Variants in CORO1A observed in about 807,000 individuals in gnomAD.
The protein encoded by CORO1A is coronin-1A.
Under a neutral mutation model 44.1 loss-of-function variants are expected in CORO1A, and 17 were observed. The observed-to-expected ratio is 0.39, with a 90% confidence interval of 0.26 to 0.58. The LOEUF (loss-of-function observed/expected upper bound fraction) is 0.58. CORO1A is among the 20% of genes least tolerant of loss of function. The probability of loss-of-function intolerance (pLI) is 0.62; values close to 1 mark genes in which losing one functional copy is unlikely to be tolerated. For synonymous variants in CORO1A, 271 were observed against 244.2 expected (o/e 1.11, Z -1.02); for missense variants, 415 against 606.5 (o/e 0.68, Z 3.32).
At position 30,184,818 on chromosome 16, in the gene CORO1A, AAG is replaced by A; in HGVS notation, c.-1-385_-1-384del. ...GAGGTGGGCTCTGGACACGGTAACT[AAG>A]AGAGAACCCACCCTCGGAGCCATCT... On this transcript the variant is annotated intron_variant, in intron 1 of 10. Transcript: ENST00000219150. This position sits in a 1 kb window ranked among gnomAD's most constrained non-coding sequence, Gnocchi z 4.3. 1 of 344,178 alleles carries A rather than the reference AAG, an allele frequency of 2.9e-6. No homozygotes were observed. The highest frequency in any genetic ancestry group is 2.1e-5 in the African/African-American group (1 of 47,024). 21.3% of individuals were successfully genotyped at this position (344,178 alleles called of 1,614,324 possible).
At position 30,183,852 on chromosome 16, in the gene CORO1A, G is replaced by A. The variant is rs1013793190; in HGVS notation, c.-2+127G>A. 1.2e-4 allele frequency: 18 copies of A among 151,784 alleles called. No homozygotes were observed. Among genetic ancestry groups the A allele is most frequent in the African/African-American group, 4.1e-4 (17 of 41,404 alleles). 9.4% of individuals were successfully genotyped at this position (151,784 alleles called of 1,614,324 possible). A position where few individuals can be genotyped will look rare whatever the true frequency, so the allele number is the denominator to read the frequency against. On this transcript the variant is annotated intron_variant, in intron 1 of 10. Coordinates refer to ENST00000219150, the MANE Select transcript of CORO1A (RefSeq NM_007074.4). This position sits in a 1 kb window ranked among gnomAD's most constrained non-coding sequence, Gnocchi z 5.0. ...CGCGACCCAGCCAGCGCCGGGGCCA[G>A]GTAGCGGGCGCAGCAGCCCGTGGGG...
intron 2 of CORO1A, 138 bp from the exon 3 acceptor site, chr16:30,186,460 C>G: frequency 1.9e-6 from 2 of 1,050,946 alleles, no homozygotes; most frequent in Non-Finnish European, 2.9e-6. Context: ...ACAACCCGCC[C>G]CCGTCCCCAC....
Position 30,184,860 on chromosome 16 carries a change from T to C in CORO1A, c.-1-349T>C. On this transcript the variant is annotated intron_variant, in intron 1 of 10. Coordinates refer to ENST00000219150, the MANE Select transcript of CORO1A (RefSeq NM_007074.4). The surrounding 1 kb of genome is among the most constrained non-coding windows in gnomAD (Gnocchi z 4.3). Reference sequence around the variant, plus strand: ...CGGAGCCATCTGGGCTGATGACGCCTGAGTCTGAACCATTAGGAAGGACGG... The same window carrying C: ...CGGAGCCATCTGGGCTGATGACGCCCGAGTCTGAACCATTAGGAAGGACGG... The C allele has an allele frequency of 2.5e-6, 1 of 404,970 alleles. No homozygotes were observed. The highest frequency in any genetic ancestry group is 2.2e-5 in the South Asian group (1 of 45,832). 25.1% of individuals were successfully genotyped at this position (404,970 alleles called of 1,614,324 possible).
rs752449610 is a variant in CORO1A at position 30,188,363 on chromosome 16, G to A, written c.1068G>A (p.Ser356=). 3.3e-5 allele frequency: 54 copies of A among 1,613,748 alleles called. No homozygotes were observed. Among genetic ancestry groups the A allele is most frequent in the Non-Finnish European group, 4.2e-5 (49 of 1,180,002 alleles). The change falls in exon 10 of 11, where the codon TCG becomes TCA. Residue 356 remains serine (S), a splice_region_variant and synonymous_variant. Coordinates refer to ENST00000219150, the MANE Select transcript of CORO1A (RefSeq NM_007074.4). ...EPIAMTVPRK[S]DLFQEDLYPP... is the part of the protein sequence containing the mutation. ...ACTATCCCTGGCCTTGCCCACAGTC[G>A]GACCTGTTCCAGGAGGACCTGTACC...
At chr16:30,187,528 GC>G in intron 6 of CORO1A, 27 bp downstream of exon 6, 1 of 1,593,738 alleles carries the variant, frequency 6.3e-7, no homozygotes, top group Admixed American at 1.7e-5. Context: ...GAAGCCGAGG[GC>G]CCCCAGGCTG....
rs1387218213 is a variant in CORO1A at position 30,188,583 on chromosome 16, G to C, written c.1281+7G>C. The stretch of plus-strand genomic sequence containing the variant: ...CAGTGGCACTCCCAGCTCGGTGAGA[G>C]GGCTGGGAAGCCAGGGAATAAAACT... On this transcript the variant is annotated splice_region_variant and intron_variant, in intron 10 of 10. Coordinates refer to ENST00000219150, the MANE Select transcript of CORO1A (RefSeq NM_007074.4). 2 of 1,575,518 alleles carry C rather than the reference G, an allele frequency of 1.3e-6. No individual in the cohort carries two copies. Among genetic ancestry groups the C allele is most frequent in the Non-Finnish European group, 8.6e-7 (1 of 1,158,140 alleles).
At chr16:30,185,758 TGGGA>T (rs2073326330) in intron 2 of CORO1A, 1 of 349,264 alleles carries the variant, frequency 2.9e-6, no homozygotes, top group Admixed American at 4.3e-5. Flanking sequence ...TTCTCAGGGT[TGGGA>T]GGGACTCTGG....
At chr16:30,188,798 G>C in intron 10 of CORO1A, 62 bp from the exon 11 acceptor site, 1 of 497,608 alleles carries the variant, frequency 2.0e-6, no homozygotes. Flanking sequence ...ATGGGGCTCA[G>C]CAGAGGCTGG....
In CORO1A at chr16:30,185,292, T is replaced by G; in HGVS notation, c.83T>G (p.Val28Gly). The change falls in exon 2 of 11, where the codon GTG (valine) becomes GGG (glycine). Residue 28 changes from valine to glycine, a missense_variant. Physicochemically the swap from Val to Gly is moderately radical, Grantham distance 109. Around this residue, in one of 2 missense-constraint regions of CORO1A, gnomAD observed 325 missense variants for 521.7 expected, o/e 0.62. Coordinates refer to ENST00000219150, the MANE Select transcript of CORO1A (RefSeq NM_007074.4). Reference protein sequence around the residue: ...PAKADQCYEDVRVSQTTWDSG... With the variant: ...PAKADQCYEDGRVSQTTWDSG... ...AAGGCCGACCAGTGCTATGAAGATG[T>G]GCGCGTCTCACAGACCACCTGGGAC... 1 of 1,614,224 alleles carries G rather than the reference T, an allele frequency of 6.2e-7. No homozygotes were observed. Among genetic ancestry groups the G allele is most frequent in the Non-Finnish European group, 8.5e-7 (1 of 1,180,028 alleles).
chr16:30,188,719 G>C, intron 10 of CORO1A, 141 bp from the exon 11 acceptor site: 1 of 671,704 alleles, frequency 1.5e-6, no homozygotes, highest in South Asian at 1.8e-5. Flanking sequence ...GTTTCAGATT[G>C]ATAGGCCTGC....
intron 1 of CORO1A, 150 bp from the exon 2 acceptor site, chr16:30,185,059 C>A: frequency 1.3e-6 from 1 of 766,996 alleles, no homozygotes; most frequent in Non-Finnish European, 2.2e-6. Flanking sequence ...GGCAAGCAGG[C>A]ATCAGCCACA....
chr16:30,184,811 G>C lies in CORO1A; in HGVS notation c.-1-398G>C. 3.0e-6 allele frequency: 1 copy of C among 331,624 alleles called. No homozygotes were observed. 20.5% of individuals were successfully genotyped at this position (331,624 alleles called of 1,614,324 possible). A position where few individuals can be genotyped will look rare whatever the true frequency, so the allele number is the denominator to read the frequency against. ...TGTGAGGGAGGTGGGCTCTGGACAC[G>C]GTAACTAAGAGAGAACCCACCCTCG... On this transcript the variant is annotated intron_variant, in intron 1 of 10. Coordinates refer to ENST00000219150, the MANE Select transcript of CORO1A (RefSeq NM_007074.4). The surrounding 1 kb of genome is among the most constrained non-coding windows in gnomAD (Gnocchi z 4.3).
At chr16:30,188,276 C>G (rs1214949875) in intron 9 of CORO1A, 27 bp downstream of exon 9, 1 of 1,612,070 alleles carries the variant, frequency 6.2e-7, no homozygotes, top group East Asian at 2.2e-5. Flanking sequence ...CCACCCTGGG[C>G]TCCAGGCTGG....
rs564793583 is a variant in CORO1A at position 30,185,087 on chromosome 16, C to T, written c.-1-122C>T. ...CAGCCACAGAGGGAAGAATAGGGAG[C>T]CCCTGGAGATGATGCTGGGACCTTA... On this transcript the variant is annotated intron_variant, in intron 1 of 10. Transcript: ENST00000219150. 49 of 908,074 alleles carry T rather than the reference C, an allele frequency of 5.4e-5. No homozygotes were observed. In the South Asian group the frequency reaches 6.7e-4, roughly 12 times the overall value. The allele number at this position is 908,074 out of a possible 1,614,324, so 56.3% of individuals were successfully genotyped here.
In CORO1A at chr16:30,187,959, G is replaced by A. The variant is rs1441927708; in HGVS notation, c.879G>A (p.Arg293=). The stretch of plus-strand genomic sequence containing the variant: ...ACCTACAGGGTGACAGCTCAATCCG[G>A]TACTTTGAGATCACTTCCGAGGCCC... ...YLCGKGDSSI[R]YFEITSEAPF... is the part of the protein sequence containing the mutation. Residue 293 remains arginine, a synonymous_variant, in exon 8 of 11, where the codon CGG becomes CGA. Transcript: ENST00000219150. 1 of 1,614,028 alleles carries A rather than the reference G, an allele frequency of 6.2e-7. No individual in the cohort carries two copies. Among genetic ancestry groups the A allele is most frequent in the Admixed American group, 1.7e-5 (1 of 60,000 alleles).
rs2073310442 is a variant in CORO1A, at chr16:30,184,524, A to G, written c.-1-685A>G. ...CCTACCTGGACCTCAGAGCAGTCGGAGTGGCCTCTCCCTTCCTGTGTGCAG... is the reference window on the plus strand; with the variant it reads ...CCTACCTGGACCTCAGAGCAGTCGGGGTGGCCTCTCCCTTCCTGTGTGCAG... On this transcript the variant is annotated intron_variant, in intron 1 of 10. Transcript: ENST00000219150. This position sits in a 1 kb window ranked among gnomAD's most constrained non-coding sequence, Gnocchi z 4.3. The G allele has an allele frequency of 6.4e-6, 1 of 155,132 alleles. No individual in the cohort carries two copies. The highest frequency in any genetic ancestry group is 1.4e-5 in the Non-Finnish European group (1 of 69,802). 9.6% of individuals were successfully genotyped at this position (155,132 alleles called of 1,614,324 possible). A position where few individuals can be genotyped will look rare whatever the true frequency, so the allele number is the denominator to read the frequency against.
chr16:30,188,110 C>T (rs747604475), intron 8 of CORO1A, 23 bp downstream of exon 8: 23 of 1,613,718 alleles, frequency 1.4e-5, no homozygotes, highest in Middle Eastern at 1.6e-4. Flanking sequence ...CGGCCCTGAC[C>T]GCAGCATGCT....
Position 30,188,186 on chromosome 16 carries a change from C to T in CORO1A, c.1008-6C>T, listed in dbSNP as rs1448578676. The T allele has an allele frequency of 1.2e-6, 2 of 1,614,138 alleles. No homozygotes were observed. The highest frequency in any genetic ancestry group is 1.7e-5 in the Admixed American group (1 of 60,028). ...GTGGGCCCCGCTCACCTTCCCCTTC[C>T]CACAGGTTCTACAAGCTGCACGAGC... On this transcript the variant is annotated splice_region_variant and splice_polypyrimidine_tract_variant and intron_variant, in intron 8 of 10. Coordinates refer to ENST00000219150, the MANE Select transcript of CORO1A (RefSeq NM_007074.4).
chr16:30,185,932 C>T (rs999852136), intron 2 of CORO1A: 9 of 207,230 alleles, frequency 4.3e-5, no homozygotes, highest in African/African-American at 1.6e-4. Flanking sequence ...CACTCCTGTG[C>T]TCTTTGGGGG....
Sources: gnomAD v4.1 joint callset for allele counts on GRCh38, gnomAD v4.1.1 for gene constraint, gnomAD v4.1.1 regional missense constraint, Gnocchi (gnomAD v3.1) non-coding constraint, MANE v1.5 for transcripts, NCBI Gene and HGNC (gene_info 2026-07-23, HGNC 2026-07-21) for gene names.